The following RABL2A variants were observed in gnomAD, a reference collection of about 807,000 sequenced individuals.
RABL2A encodes the protein rab-like protein 2A.
RABL2A carries 17 observed loss-of-function variants against 30.7 expected under a neutral mutation model. The observed-to-expected ratio is 0.55, with a 90% CI of 0.38 to 0.83. The LOEUF (loss-of-function observed/expected upper bound fraction) is 0.83. Among genes scored for constraint, RABL2A ranks in the 40% least tolerant of loss-of-function variants. The pLI is 0.00. For synonymous variants in RABL2A, 64 were observed against 101.8 expected (o/e 0.63, Z 2.24); for missense variants, 155 against 272.6 (o/e 0.57, Z 3.04).
intron 7 of RABL2A, 159 bp from the exon 8 acceptor site, chr2:113,641,622 A>G (rs1255271536): frequency 1.0e-6 from 1 of 959,660 alleles, no homozygotes; most frequent in South Asian, 1.6e-5. Context: ...GCAGAAGTCC[A>G]TTGACCATAC....
At chr2:113,629,836 C>T (rs1227560334) in intron 2 of RABL2A, among the ~76,000 whole-genome samples, 1 of 152,132 alleles carries the variant, frequency 6.6e-6, no homozygotes, top group Admixed American at 6.5e-5. Flanking sequence ...CCGCGCCCGG[C>T]CTCTGGTTTA....
chr2:113,640,099 A>G (rs1482142253), intron 5 of RABL2A: 1 of 151,908 alleles, frequency 6.6e-6, no homozygotes, highest in Non-Finnish European at 1.5e-5. Flanking sequence ...GTGAGCTGTG[A>G]TTGAGCCACT....
At chr2:113,636,711 G>A (rs1208317741) in intron 5 of RABL2A, among the ~76,000 whole-genome samples, 1 of 152,172 alleles carries the variant, frequency 6.6e-6, no homozygotes, top group East Asian at 1.9e-4. Flanking sequence ...GCCATGGGCC[G>A]GGTGCGGTGG....
In RABL2A at chr2:113,632,956, G is replaced by A. The variant is rs1479816760; in HGVS notation, c.137+12G>A. The A allele has an allele frequency of 5.0e-6, 8 of 1,614,078 alleles. No homozygotes were observed. The highest frequency in any genetic ancestry group is 6.8e-6 in the Non-Finnish European group (8 of 1,180,044). ...CTCATGGATGGCTTGTATCCTTCAA[G>A]GTTTGAAGTACTCCTTGTTCCTGTG... On this transcript the variant is annotated intron_variant, in intron 3 of 8. Coordinates refer to ENST00000683472, the MANE Select transcript of RABL2A (RefSeq NM_001306158.2).
intron 5 of RABL2A, chr2:113,638,384 A>G (rs2747994): frequency 1.0e-6 from 1 of 985,412 alleles, no homozygotes; most frequent in South Asian, 4.7e-5. Flanking sequence ...CTGTGCCAGC[A>G]GTTACAGGGT....
intron 5 of RABL2A, among the ~76,000 whole-genome samples, chr2:113,636,820 C>T (rs1206294624): frequency 4.6e-5 from 7 of 151,530 alleles, no homozygotes; most frequent in South Asian, 2.1e-4. Context: ...AACCCCGTCT[C>T]TACTAAAAAT....
rs1267933435 is a variant in RABL2A, at chr2:113,635,362, C to G, written c.297+232C>G. ...TGGAGAAAAGGTGGAACAGCAAGCT[C>G]AGGGCTTCAACATCAGGTGTAGCAT... is the stretch of plus-strand genomic sequence containing the variant. On this transcript the variant is annotated intron_variant, in intron 5 of 8. Transcript: ENST00000683472. 3 of 569,094 alleles carry G rather than the reference C, an allele frequency of 5.3e-6. No homozygotes were observed. The East Asian group carries it at 9.1e-5, about 17-fold the overall frequency. The allele number at this position is 569,094 out of a possible 1,614,324, so 35.3% of individuals were successfully genotyped here.
At chr2:113,639,850 C>A in intron 5 of RABL2A, among the ~76,000 whole-genome samples, 1 of 94,006 alleles carries the variant, frequency 1.1e-5, no homozygotes, top group African/African-American at 6.5e-5. Flanking sequence ...AGTGAGACTC[C>A]GTCTAAAAAA....
chr2:113,637,214 C>T (rs1683229878), intron 5 of RABL2A: 1 of 218,774 alleles, frequency 4.6e-6, no homozygotes, highest in Admixed American at 6.3e-5. Flanking sequence ...TTGTCACCTG[C>T]TCCTCTGCAC....
intron 2 of RABL2A, among the ~76,000 whole-genome samples, chr2:113,630,633 CT>C (rs762784349): frequency 1.4e-3 from 205 of 141,688 alleles, no homozygotes; most frequent in Middle Eastern, 7.6e-3. Flanking sequence ...TTTAAGGTGC[CT>C]TTTTTTTTTT....
At chr2:113,640,822 G>A in intron 5 of RABL2A, 72 bp from the exon 6 acceptor site, 1 of 1,595,236 alleles carries the variant, frequency 6.3e-7, no homozygotes, top group East Asian at 2.3e-5. Context: ...GCTTGGGTGT[G>A]TGAGTCACCT....
At chr2:113,636,988 C>CA (rs1288796399) in intron 5 of RABL2A, among the ~76,000 whole-genome samples, 9 of 129,686 alleles carry the variant, frequency 6.9e-5, no homozygotes, top group Admixed American at 2.2e-4. Flanking sequence ...GACTCTGTCT[C>CA]AAAAAAAATA....
intron 1 of RABL2A, 185 bp from the exon 2 acceptor site, chr2:113,628,369 A>T: frequency 2.4e-6 from 1 of 411,922 alleles, no homozygotes; most frequent in Non-Finnish European, 4.2e-6. Flanking sequence ...GCAGGACTTA[A>T]CTATTTGTGT....
chr2:113,636,600 A>C (rs1049407233), intron 5 of RABL2A, among the ~76,000 whole-genome samples: 3 of 152,124 alleles, frequency 2.0e-5, no homozygotes, highest in African/African-American at 7.2e-5. Flanking sequence ...CAGAGGGAAG[A>C]AACAGATGGC....
At chr2:113,637,009 A>T (rs793070) in intron 5 of RABL2A, among the ~76,000 whole-genome samples, 19,821 of 149,800 alleles carry the variant, frequency 0.13, 2,680 homozygotes, top group African/African-American at 0.35. Flanking sequence ...AAAAAATAAA[A>T]AAATAAAGTC....
In RABL2A at chr2:113,642,552, C is replaced by A. The variant is rs919664487; in HGVS notation, c.*423C>A. On this transcript the variant is annotated 3_prime_UTR_variant, in exon 9 of 9. Transcript: ENST00000683472. ...TCTCCTGAGGTAATGATTACCCCCC[C>A]ACCCACAGCTGAGTCTGTGAGGCCC... 14 of 254,246 alleles carry A rather than the reference C, an allele frequency of 5.5e-5. No homozygotes were observed. The highest frequency in any genetic ancestry group is 3.1e-4 in the South Asian group (7 of 22,930). The allele number at this position is 254,246 out of a possible 1,614,324, so 15.7% of individuals were successfully genotyped here.
intron 4 of RABL2A, among the ~76,000 whole-genome samples, chr2:113,634,812 C>T (rs954779977): frequency 6.6e-6 from 1 of 152,150 alleles, no homozygotes; most frequent in Non-Finnish European, 1.5e-5. Flanking sequence ...GTTGTCCTTC[C>T]TCCTGGCCCC....
At chr2:113,641,570 G>A (rs1685185864) in intron 7 of RABL2A, 120 bp downstream of exon 7, 9 of 1,605,036 alleles carry the variant, frequency 5.6e-6, no homozygotes, top group Non-Finnish European at 7.7e-6. Flanking sequence ...ATGGGCCTGG[G>A]TGGCAGGGAG....
chr2:113,642,949 C>T lies in RABL2A; in HGVS notation c.*820C>T, dbSNP rs708639. ...CCCCAATCATCTGTTTTTAAACAAT[C>T]GTTTTTGAGCAGATAGCTATTCATT... On this transcript the variant is annotated 3_prime_UTR_variant, in exon 9 of 9. Coordinates refer to ENST00000683472, the MANE Select transcript of RABL2A (RefSeq NM_001306158.2). The T allele has an allele frequency of 0.21, 68,299 of 330,328 alleles. 9,593 individuals carry two copies. Among genetic ancestry groups the T allele is most frequent in the African/African-American group, 0.47 (20,748 of 44,384 alleles). 20.5% of individuals were successfully genotyped at this position (330,328 alleles called of 1,614,324 possible). A position where few individuals can be genotyped will look rare whatever the true frequency, so the allele number is the denominator to read the frequency against.
Sources: gnomAD v4.1 joint callset for allele counts (sites outside exome capture counted in the v4.1 genomes callset) on GRCh38, gnomAD v4.1.1 for gene constraint, MANE v1.5 for transcripts, NCBI Gene and HGNC (gene_info 2026-07-23, HGNC 2026-07-21) for gene names.